The following DGKB variants were observed in gnomAD, a reference collection of about 807,000 sequenced individuals.
DGKB encodes the protein diacylglycerol kinase beta, also known as 90 kDa diacylglycerol kinase.
DGKB carries 67 observed loss-of-function variants against 114.3 expected under a neutral mutation model. The ratio of observed to expected loss-of-function variants is 0.59; its 90% confidence interval spans 0.48 to 0.72. The LOEUF is 0.72. Ranked by LOEUF, DGKB falls within the 30% of genes least tolerant of loss-of-function variation. DGKB has a pLI of 0.00. For missense variants in DGKB, 907 were observed against 975.2 expected, an observed-to-expected ratio of 0.93 and a Z score of 0.93; for synonymous variants, 398 against 323.1, an observed-to-expected ratio of 1.23 and a Z score of -2.49.
chr7:14,536,620 T>C (rs769448384), intron 20 of DGKB, among the ~76,000 whole-genome samples: 1 of 152,172 alleles, frequency 6.6e-6, no homozygotes, highest in Non-Finnish European at 1.5e-5. Flanking sequence ...CAACACTCTC[T>C]CATGCTAAAC....
intron 13 of DGKB, among the ~76,000 whole-genome samples, chr7:14,651,697 G>A (rs1814534311): frequency 6.7e-6 from 1 of 148,554 alleles, no homozygotes; most frequent in African/African-American, 2.5e-5. Flanking sequence ...TAGGAAAAGA[G>A]GAAGTCAAAT....
chr7:14,874,119 G>C (rs1254609241), intron 1 of DGKB, among the ~76,000 whole-genome samples: 1 of 152,062 alleles, frequency 6.6e-6, no homozygotes, highest in Non-Finnish European at 1.5e-5. Flanking sequence ...GATGTACTCA[G>C]TTATCTAGCA....
chr7:14,767,027 A>T (rs1411232142), intron 2 of DGKB, among the ~76,000 whole-genome samples: 1 of 151,698 alleles, frequency 6.6e-6, no homozygotes, highest in Non-Finnish European at 1.5e-5. Context: ...ATATGATGAG[A>T]GGAATGGGAG....
Position 14,682,819 on chromosome 7 carries a change from C to T in DGKB, c.852G>A (p.Glu284=), listed in dbSNP as rs775675747. ...AGGGAGGTGCTCGAGCCACACAGCG[C>T]TCATGGACTGTGTACTTGCAGACTG... The part of the protein sequence containing the change: ...CCSFCKYTVH[E]RCVARAPPSC... Residue 284 remains glutamate (E), a synonymous_variant, in exon 11 of 26, where the codon GAG becomes GAA. Transcript: ENST00000402815. 3 of 1,597,742 alleles carry T rather than the reference C, an allele frequency of 1.9e-6. No homozygotes were observed. The highest frequency in any genetic ancestry group is 2.3e-5 in the East Asian group (1 of 44,280).
intron 21 of DGKB, among the ~76,000 whole-genome samples, chr7:14,437,977 G>A (rs143267838): frequency 1.0e-3 from 158 of 151,584 alleles, no homozygotes; most frequent in Non-Finnish European, 1.8e-3. Flanking sequence ...TCATTGCTGC[G>A]TTACAGAATG....
intron 23 of DGKB, among the ~76,000 whole-genome samples, chr7:14,249,753 A>T (rs181352499): frequency 9.2e-5 from 14 of 151,638 alleles, no homozygotes; most frequent in Admixed American, 3.3e-4. Context: ...AAGGTTTGTA[A>T]TTTTTTTTAT....
At chr7:14,325,053 T>A (rs1229978077) in intron 23 of DGKB, among the ~76,000 whole-genome samples, 1 of 152,152 alleles carries the variant, frequency 6.6e-6, no homozygotes, top group Non-Finnish European at 1.5e-5. Context: ...CTGTTCTCTG[T>A]CTTCTCTTAG....
chr7:14,835,423 C>A (rs772856125), intron 2 of DGKB, among the ~76,000 whole-genome samples: 1 of 152,180 alleles, frequency 6.6e-6, no homozygotes, highest in African/African-American at 2.4e-5. Flanking sequence ...TACATCACAG[C>A]ACTAGCCTTC....
intron 23 of DGKB, among the ~76,000 whole-genome samples, chr7:14,330,192 G>A (rs767016033): frequency 5.9e-5 from 9 of 151,974 alleles, no homozygotes; most frequent in Non-Finnish European, 1.3e-4. Context: ...TTAACAATCT[G>A]AGCCTTAATT....
At chr7:14,379,557 T>G (rs1819059588) in intron 21 of DGKB, among the ~76,000 whole-genome samples, 1 of 151,788 alleles carries the variant, frequency 6.6e-6, no homozygotes, top group Non-Finnish European at 1.5e-5. Context: ...GCTTTTTTTA[T>G]TTTATTTTTT....
chr7:14,343,349 A>G (rs1811939129), intron 22 of DGKB, among the ~76,000 whole-genome samples: 1 of 151,768 alleles, frequency 6.6e-6, no homozygotes, highest in Admixed American at 6.6e-5. Context: ...AAGAAACATA[A>G]CTTAGTTCTA....
chr7:14,247,429 A>AT (rs1794647953), intron 23 of DGKB, among the ~76,000 whole-genome samples: 1 of 151,952 alleles, frequency 6.6e-6, no homozygotes, highest in Non-Finnish European at 1.5e-5. Context: ...ACTTCCATAC[A>AT]TTTTTCCATA....
intron 14 of DGKB, among the ~76,000 whole-genome samples, chr7:14,629,688 C>A (rs1017816750): frequency 6.6e-6 from 1 of 151,940 alleles, no homozygotes; most frequent in Non-Finnish European, 1.5e-5. Flanking sequence ...TGTGGCAATG[C>A]TTACATTTGT....
chr7:14,648,161 C>A (rs1369754690), intron 13 of DGKB, among the ~76,000 whole-genome samples: 1 of 152,222 alleles, frequency 6.6e-6, no homozygotes, highest in Non-Finnish European at 1.5e-5. Context: ...AGGAGGCCTG[C>A]CTGCCTCTGT....
chr7:14,793,916 G>A (rs1411141323), intron 2 of DGKB, among the ~76,000 whole-genome samples: 1 of 152,016 alleles, frequency 6.6e-6, no homozygotes, highest in African/African-American at 2.4e-5. Context: ...TAAGACAGAA[G>A]GTACAGGAAG....
At chr7:14,730,674 C>G (rs1313535059) in intron 5 of DGKB, among the ~76,000 whole-genome samples, 2 of 152,028 alleles carry the variant, frequency 1.3e-5, no homozygotes, top group Non-Finnish European at 2.9e-5. Context: ...GATTTTATCA[C>G]CTTCTTCACT....
chr7:14,159,525 C>G (rs1291324204), intron 25 of DGKB, among the ~76,000 whole-genome samples: 1 of 152,084 alleles, frequency 6.6e-6, no homozygotes. Context: ...TTATGTGTAC[C>G]TGCACTGAGT....
intron 21 of DGKB, among the ~76,000 whole-genome samples, chr7:14,397,565 T>C (rs1822428501): frequency 6.6e-6 from 1 of 152,164 alleles, no homozygotes; most frequent in Admixed American, 6.6e-5. Flanking sequence ...ATTGCGTTTC[T>C]TCATTGCTCA....
intron 25 of DGKB, among the ~76,000 whole-genome samples, chr7:14,165,220 G>C (rs1784449219): frequency 6.6e-6 from 1 of 152,136 alleles, no homozygotes; most frequent in African/African-American, 2.4e-5. Context: ...TTCAGTTGCA[G>C]ATGCCAACTT....
Sources: gnomAD v4.1 joint callset for allele counts (sites outside exome capture counted in the v4.1 genomes callset) on GRCh38, gnomAD v4.1.1 for gene constraint, MANE v1.5 for transcripts, NCBI Gene and HGNC (gene_info 2026-07-23, HGNC 2026-07-21) for gene names.